HIP1: variants seen among roughly 807,000 people sequenced by gnomAD.
HIP1 encodes the protein huntingtin-interacting protein 1.
Under a neutral mutation model 147.6 loss-of-function variants are expected in HIP1, and 65 were observed. The observed-to-expected ratio is 0.44, with a 90% CI of 0.36 to 0.54. HIP1 has a LOEUF of 0.54. Ranked by LOEUF, HIP1 falls within the 20% of genes least tolerant of loss-of-function variation. The pLI, the probability that HIP1 is intolerant of heterozygous loss-of-function variation, is 0.00. For synonymous variants in HIP1, 479 were observed against 504.0 expected (o/e 0.95, Z 0.67); for missense variants, 1,061 against 1,299.6 (o/e 0.82, Z 2.82).
intron 1 of HIP1, among the ~76,000 whole-genome samples, chr7:75,611,466 CAA>C (rs11390672): frequency 4.6e-5 from 4 of 87,626 alleles, no homozygotes; most frequent in Admixed American, 2.5e-4. Flanking sequence ...GACTCTGTCT[CAA>C]AAAAAAAAAA....
Position 75,661,700 on chromosome 7 carries a change from G to A in HIP1, c.121-62453C>T, listed in dbSNP as rs535018237. Among the ~76,000 whole-genome samples the A allele has an allele frequency of 1.7e-4, 26 of 152,128 alleles. 1 individual carries two copies. In the South Asian group the frequency reaches 5.2e-3, roughly 30 times the overall value. On this transcript the variant is annotated intron_variant, in intron 1 of 30. Transcript: ENST00000336926. Reference sequence around the variant, plus strand: ...AAGGATGCGAAGCAGGGAATGGGGAGCAAAAGGTGCTACAAGTGCTGTTAG... The same window carrying A: ...AAGGATGCGAAGCAGGGAATGGGGAACAAAAGGTGCTACAAGTGCTGTTAG...
chr7:75,582,701 T>C (rs1796104275), intron 5 of HIP1, among the ~76,000 whole-genome samples: 1 of 152,086 alleles, frequency 6.6e-6, no homozygotes, highest in South Asian at 2.1e-4. Flanking sequence ...TCCCAGCTCC[T>C]TGGGAGGTTG....
At chr7:75,552,952 T>C (rs1346094361) in intron 22 of HIP1, among the ~76,000 whole-genome samples, 1 of 152,026 alleles carries the variant, frequency 6.6e-6, no homozygotes, top group Non-Finnish European at 1.5e-5. Context: ...GATCCTTTTT[T>C]TTTTCGAGAT....
intron 1 of HIP1, among the ~76,000 whole-genome samples, chr7:75,737,903 T>C (rs1441793011): frequency 6.6e-6 from 1 of 152,200 alleles, no homozygotes; most frequent in African/African-American, 2.4e-5. Context: ...TTGTACTCTT[T>C]GAAATGGATT....
At chr7:75,729,106 G>A (rs1219774671) in intron 1 of HIP1, among the ~76,000 whole-genome samples, 26 of 96,534 alleles carry the variant, frequency 2.7e-4, no homozygotes, top group Admixed American at 1.1e-4. Context: ...AGAGGAAACA[G>A]AAGAAAAAAA....
At position 75,549,152 on chromosome 7, in the gene HIP1, C is replaced by A. The variant is rs587643741; in HGVS notation, c.2296-151G>T. The A allele has an allele frequency of 2.5e-5, 15 of 603,690 alleles. No individual in the cohort carries two copies. The East Asian group carries it at 4.2e-4, about 17-fold the overall frequency. The allele number at this position is 603,690 out of a possible 1,614,324, so 37.4% of individuals were successfully genotyped here. A position where few individuals can be genotyped will look rare whatever the true frequency, so the allele number is the denominator to read the frequency against. On this transcript the variant is annotated intron_variant, in intron 22 of 30. Transcript: ENST00000336926. ...GGGTTGTGGGGGGGTCTTTTGCAGA[C>A]CCCATCTTGTCCTCTCTGTGACACA...
chr7:75,622,713 G>T (rs1179619), intron 1 of HIP1, among the ~76,000 whole-genome samples: 2 of 151,824 alleles, frequency 1.3e-5, no homozygotes, highest in Non-Finnish European at 1.5e-5. Flanking sequence ...CATGGTGGCT[G>T]GTGCCTGTAA....
chr7:75,681,497 CTTTTTTTT>C (rs10546838), intron 1 of HIP1, among the ~76,000 whole-genome samples: 5,967 of 124,338 alleles, frequency 0.048, 255 homozygotes, highest in Admixed American at 0.073. Context: ...ACAGCACCTG[CTTTTTTTT>C]TTTTTTTTTT....
intron 1 of HIP1, among the ~76,000 whole-genome samples, chr7:75,670,851 G>A (rs190989430): frequency 2.2e-3 from 292 of 131,558 alleles, no homozygotes; most frequent in Non-Finnish European, 3.3e-3. Flanking sequence ...CAAACTCTTC[G>A]GCTTAAGCGA....
At position 75,541,690 on chromosome 7, in the gene HIP1, C is replaced by T. The variant is rs189773767; in HGVS notation, c.2952+229G>A. Among the ~76,000 whole-genome samples, 10 of 148,698 alleles carry T rather than the reference C, an allele frequency of 6.7e-5. No individual in the cohort carries two copies. In the East Asian group the frequency reaches 1.2e-3, roughly 17 times the overall value. Reference sequence around the variant, plus strand: ...CAGTCTGGGCGACAGGACGAGACTCCGTCTCAAAAAAGAAAAAAAACAAAA... The same window carrying T: ...CAGTCTGGGCGACAGGACGAGACTCTGTCTCAAAAAAGAAAAAAAACAAAA... On this transcript the variant is annotated intron_variant, in intron 29 of 30. Transcript: ENST00000336926.
chr7:75,660,008 C>G (rs1356630233), intron 1 of HIP1, among the ~76,000 whole-genome samples: 1 of 151,680 alleles, frequency 6.6e-6, no homozygotes, highest in African/African-American at 2.4e-5. Context: ...CACCTGTAGT[C>G]CCAGCTACTC....
intron 1 of HIP1, among the ~76,000 whole-genome samples, chr7:75,618,221 C>T (rs1238963454): frequency 1.3e-5 from 2 of 150,388 alleles, no homozygotes; most frequent in African/African-American, 4.9e-5. Context: ...GATCTCGGCT[C>T]ACTGCTACCT....
Position 75,738,903 on chromosome 7 carries a change from G to A in HIP1, c.18C>T (p.Ser6=). Residue 6 remains serine, a synonymous_variant, in exon 1 of 31, where the codon AGC becomes AGT. Coordinates refer to ENST00000336926, the MANE Select transcript of HIP1 (RefSeq NM_005338.7). ...GTGGGTTGGGCACCTGCTTCATGGA[G>A]CTGGCCATCCGATCCATGTCGCCGC... MDRMA[S]SMKQVPNPLP... 6.4e-7 allele frequency: 1 copy of A among 1,557,170 alleles called. No homozygotes were observed. The highest frequency in any genetic ancestry group is 8.7e-7 in the Non-Finnish European group (1 of 1,152,964).
chr7:75,559,750 T>A lies in HIP1; in HGVS notation c.1357A>T (p.Ser453Cys), dbSNP rs139093480. ...QREDTEKAQRSLSEIERKAQA... is the reference protein window; with the variant it reads ...QREDTEKAQRCLSEIERKAQA... ...CGCTCACTTTCTATCTCAGACAGGC[T>A]CCGCTGAGCCTTCTCGGTGTCCTCC... is the stretch of plus-strand genomic sequence containing the variant. Residue 453 changes from serine to cysteine, a missense_variant, in exon 14 of 31, where the codon AGC (serine) becomes TGC (cysteine). This residue lies in a region of HIP1 where 810 missense variants were observed against 946.8 expected (regional missense o/e 0.86). Transcript: ENST00000336926. 298 of 1,103,178 alleles carry A rather than the reference T, an allele frequency of 2.7e-4. No individual in the cohort carries two copies. Among genetic ancestry groups the A allele is most frequent in the Non-Finnish European group, 3.3e-4 (269 of 818,326 alleles). The allele number at this position is 1,103,178 out of a possible 1,614,324, so 68.3% of individuals were successfully genotyped here. A position where few individuals can be genotyped will look rare whatever the true frequency, so the allele number is the denominator to read the frequency against.
chr7:75,704,338 C>T (rs1363475783), intron 1 of HIP1, among the ~76,000 whole-genome samples: 6 of 151,844 alleles, frequency 4.0e-5, no homozygotes, highest in East Asian at 1.9e-4. Flanking sequence ...CTCCGCCTCC[C>T]GGTTCAAGCG....
At chr7:75,736,579 T>C (rs921767587) in intron 1 of HIP1, among the ~76,000 whole-genome samples, 2 of 152,000 alleles carry the variant, frequency 1.3e-5, no homozygotes, top group African/African-American at 4.8e-5. Context: ...AAAAGGAATA[T>C]ACACACTGTT....
chr7:75,735,324 G>C (rs1341790471), intron 1 of HIP1, among the ~76,000 whole-genome samples: 1 of 152,150 alleles, frequency 6.6e-6, no homozygotes, highest in Non-Finnish European at 1.5e-5. Flanking sequence ...TGTGACTTCT[G>C]GTGAGTTACT....
chr7:75,572,432 T>C (rs587763385), intron 8 of HIP1, among the ~76,000 whole-genome samples: 1 of 152,260 alleles, frequency 6.6e-6, no homozygotes, highest in Admixed American at 6.5e-5. Flanking sequence ...GAAATCATTA[T>C]GTTAGCTCAT....
intron 7 of HIP1, among the ~76,000 whole-genome samples, chr7:75,577,687 A>G (rs587686508): frequency 6.6e-6 from 1 of 152,296 alleles, no homozygotes; most frequent in South Asian, 2.1e-4. Flanking sequence ...TGGTAACAAT[A>G]TTAATGAACA....
Sources: gnomAD v4.1 joint callset for allele counts (sites outside exome capture counted in the v4.1 genomes callset) on GRCh38, gnomAD v4.1.1 for gene constraint, gnomAD v4.1.1 regional missense constraint, MANE v1.5 for transcripts, NCBI Gene and HGNC (gene_info 2026-07-23, HGNC 2026-07-21) for gene names.